Variants in YEATS2 observed in about 807,000 individuals in gnomAD.
YEATS2 encodes the protein YEATS domain containing 2.
YEATS2 carries 77 observed loss-of-function variants against 163.2 expected under a neutral mutation model. The ratio of observed to expected loss-of-function variants is 0.47; its 90% CI spans 0.39 to 0.57. The LOEUF is 0.57. Among genes scored for constraint, YEATS2 ranks in the 20% least tolerant of loss-of-function variants. The pLI is 0.00. For synonymous variants in YEATS2, 631 were observed against 645.1 expected (o/e 0.98, Z 0.33); for missense variants, 1,549 against 1,729.8 (o/e 0.90, Z 1.85).
intron 5 of YEATS2, among the ~76,000 whole-genome samples, chr3:183,723,266 A>C (rs961244733): frequency 2.6e-5 from 4 of 152,208 alleles, no homozygotes; most frequent in African/African-American, 9.6e-5. Flanking sequence ...GCTACTCTGA[A>C]CTTCTTGAAA....
At position 183,756,463 on chromosome 3, in the gene YEATS2, C is replaced by T. The variant is rs558113102; in HGVS notation, c.1391-65C>T. The T allele has an allele frequency of 4.2e-6, 6 of 1,428,810 alleles. No individual in the cohort carries two copies. The South Asian group carries it at 4.8e-5, about 11-fold the overall frequency. The allele number at this position is 1,428,810 out of a possible 1,614,324, so 88.5% of individuals were successfully genotyped here. On this transcript the variant is annotated intron_variant, in intron 11 of 30. Transcript: ENST00000305135. ...TGGCACTGACCTTCTTCCTTGTCCT[C>T]GACATCTTCTTACGTGAGTTGAATA...
In YEATS2 at chr3:183,754,366, G is replaced by A; in HGVS notation, c.1390+1G>A. 6.2e-7 allele frequency: 1 copy of A among 1,610,772 alleles called. No homozygotes were observed. Among genetic ancestry groups the A allele is most frequent in the East Asian group, 2.2e-5 (1 of 44,804 alleles). On this transcript the variant is annotated splice_donor_variant, in intron 11 of 30. Coordinates refer to ENST00000305135, the MANE Select transcript of YEATS2 (RefSeq NM_018023.5). LOFTEE classifies it high-confidence loss of function. ...ACCATGAGCTGCAAGATTGTGTCAG[G>A]TATGCAGATGTTTTGAAGACAGTGT...
chr3:183,762,454 G>A (rs1721465785), intron 15 of YEATS2, among the ~76,000 whole-genome samples, 175 bp downstream of exon 15: 1 of 152,228 alleles, frequency 6.6e-6, no homozygotes, highest in East Asian at 1.9e-4. Flanking sequence ...TACTCCTGTA[G>A]TAATCATTGG....
Position 183,790,957 on chromosome 3 carries a change from T to C in YEATS2, c.3074T>C (p.Ile1025Thr). 1 of 1,613,624 alleles carries C rather than the reference T, an allele frequency of 6.2e-7. No homozygotes were observed. Among genetic ancestry groups the C allele is most frequent in the South Asian group, 1.1e-5 (1 of 91,078 alleles). ...ATSLVPTPNP[I>T]SGKATVSGLL... is the part of the protein sequence containing the mutation. ...TCCCTCGTGCCTACACCAAACCCCA[T>C]CTCTGGGAAAGCCACAGTATCCGGT... The change falls in exon 21 of 31, where the codon ATC (isoleucine) becomes ACC (threonine). Residue 1025 changes from isoleucine (I) to threonine (T), a missense_variant. Coordinates refer to ENST00000305135, the MANE Select transcript of YEATS2 (RefSeq NM_018023.5).
rs200746056 is a variant in YEATS2, at chr3:183,798,054, G to A, written c.3226+3G>A. The A allele has an allele frequency of 1.2e-5, 20 of 1,613,410 alleles. No individual in the cohort carries two copies. Among genetic ancestry groups the A allele is most frequent in the Non-Finnish European group, 1.4e-5 (16 of 1,179,836 alleles). On this transcript the variant is annotated splice_donor_region_variant and intron_variant, in intron 22 of 30. Transcript: ENST00000305135. ...GATCCTGATGCCTGTGAATAAAGGT[G>A]AGTCCCTTGCCCACGGGTCGTCTGT...
At chr3:183,759,439 A>G (rs1245241809) in intron 13 of YEATS2, among the ~76,000 whole-genome samples, 1 of 152,218 alleles carries the variant, frequency 6.6e-6, no homozygotes, top group Non-Finnish European at 1.5e-5. Context: ...TGTTAAAAAT[A>G]CTTGCTTATA....
At chr3:183,712,060 C>T (rs996358070) in intron 1 of YEATS2, among the ~76,000 whole-genome samples, 1 of 151,400 alleles carries the variant, frequency 6.6e-6, no homozygotes, top group Non-Finnish European at 1.5e-5. Flanking sequence ...CCTCATGATC[C>T]GCCTACCTTG....
chr3:183,755,872 G>A (rs1277833694), intron 11 of YEATS2, among the ~76,000 whole-genome samples: 5 of 148,856 alleles, frequency 3.4e-5, no homozygotes, highest in East Asian at 4.1e-4. Context: ...TCAGCCTCTC[G>A]AGGAGCTGGG....
At chr3:183,728,637 T>G in intron 6 of YEATS2, 53 bp from the exon 7 acceptor site, 1 of 1,459,368 alleles carries the variant, frequency 6.9e-7, no homozygotes, top group Non-Finnish European at 9.1e-7. Flanking sequence ...AATTATTTAG[T>G]TAGGTTTTTG....
chr3:183,779,705 A>T (rs1014119925), intron 19 of YEATS2, among the ~76,000 whole-genome samples: 3 of 151,624 alleles, frequency 2.0e-5, no homozygotes, highest in South Asian at 2.1e-4. Context: ...TTTATTTTTT[A>T]TATATTTTTT....
intron 1 of YEATS2, among the ~76,000 whole-genome samples, chr3:183,706,372 GT>G (rs1000537637): frequency 6.6e-6 from 1 of 152,140 alleles, no homozygotes; most frequent in African/African-American, 2.4e-5. Flanking sequence ...ATGGAAATTT[GT>G]TCTAAATGTT....
intron 17 of YEATS2, among the ~76,000 whole-genome samples, chr3:183,774,752 C>T (rs533587970): frequency 1.3e-5 from 2 of 152,318 alleles, no homozygotes; most frequent in Non-Finnish European, 2.9e-5. Flanking sequence ...GTTAACCGCC[C>T]TTGCCAAAAT....
chr3:183,786,444 A>G, intron 20 of YEATS2, 143 bp downstream of exon 20: 2 of 794,314 alleles, frequency 2.5e-6, no homozygotes, highest in East Asian at 5.5e-5. Context: ...TTCACATACC[A>G]TAAAAGTCCC....
chr3:183,774,707 G>A lies in YEATS2; in HGVS notation c.2368+913G>A, dbSNP rs186692781. ...AAGGAAATTATTTCCCTCTGAATCAGAAGTAGAAGGGTACAGCATTCAGGG... is the reference window on the plus strand; with the variant it reads ...AAGGAAATTATTTCCCTCTGAATCAAAAGTAGAAGGGTACAGCATTCAGGG... On this transcript the variant is annotated intron_variant, in intron 17 of 30. Coordinates refer to ENST00000305135, the MANE Select transcript of YEATS2 (RefSeq NM_018023.5). Among the ~76,000 whole-genome samples, 403 of 152,318 alleles carry A rather than the reference G, an allele frequency of 2.6e-3. 2 individuals carry two copies. The highest frequency in any genetic ancestry group is 9.3e-3 in the African/African-American group (387 of 41,572).
intron 8 of YEATS2, among the ~76,000 whole-genome samples, chr3:183,746,112 G>C (rs1040458092): frequency 6.6e-6 from 1 of 152,094 alleles, no homozygotes; most frequent in Non-Finnish European, 1.5e-5. Context: ...ACCCAGGCTG[G>C]TGTGCAGTGG....
At chr3:183,781,903 A>T (rs1369594003) in intron 19 of YEATS2, among the ~76,000 whole-genome samples, 1 of 144,674 alleles carries the variant, frequency 6.9e-6, no homozygotes, top group African/African-American at 2.7e-5. Flanking sequence ...ACCCTGTCTT[A>T]AAAAAAAAAA....
chr3:183,772,679 T>C (rs1722593816), intron 16 of YEATS2, 116 bp downstream of exon 16: 1 of 1,273,586 alleles, frequency 7.9e-7, no homozygotes, highest in Non-Finnish European at 1.1e-6. Flanking sequence ...AGGTTGATGC[T>C]GTAAGAAGTG....
intron 6 of YEATS2, among the ~76,000 whole-genome samples, chr3:183,727,525 A>G (rs1717243754): frequency 6.6e-6 from 1 of 152,200 alleles, no homozygotes; most frequent in Non-Finnish European, 1.5e-5. Context: ...CTGGAAGAGT[A>G]AAGGGCCAGG....
chr3:183,729,040 A>G (rs1717424886), intron 7 of YEATS2, among the ~76,000 whole-genome samples, 189 bp downstream of exon 7: 1 of 152,178 alleles, frequency 6.6e-6, no homozygotes, highest in Non-Finnish European at 1.5e-5. Context: ...TGGGAGGCCA[A>G]GGCAGGCGGA....
Sources: allele counts gnomAD v4.1 joint callset (sites outside exome capture counted in the v4.1 genomes callset), GRCh38; gene constraint gnomAD v4.1.1; transcripts MANE v1.5; gene names NCBI Gene and HGNC (gene_info 2026-07-23, HGNC 2026-07-21).